APLP2: variants seen among roughly 807,000 people sequenced by gnomAD.
The protein encoded by APLP2 is amyloid beta precursor like protein 2.
APLP2 carries 53 observed loss-of-function variants against 89.9 expected under a neutral mutation model. That is an observed-to-expected ratio of 0.59 (90% CI 0.47 to 0.74). APLP2 has a LOEUF of 0.74. APLP2 is among the 30% of genes least tolerant of loss of function. The pLI is 0.00. For missense variants in APLP2, 973 were observed against 975.9 expected, an observed-to-expected ratio of 1.00 and a Z score of 0.04; for synonymous variants, 372 against 348.6, an observed-to-expected ratio of 1.07 and a Z score of -0.75.
In APLP2 at chr11:130,144,511, G is replaced by C. The variant is rs1952748370; in HGVS notation, c.*1063G>C. The C allele has an allele frequency of 2.0e-5, 3 of 152,372 alleles. No homozygotes were observed. The South Asian group carries it at 6.2e-4, about 32-fold the overall frequency. The allele number at this position is 152,372 out of a possible 1,614,324, so 9.4% of individuals were successfully genotyped here. Reference sequence around the variant, plus strand: ...GTCTGTGGACACTGTGGAAAGCTTTGAACAATTGTGTTTTCGTCACAGGAG... The same window carrying C: ...GTCTGTGGACACTGTGGAAAGCTTTCAACAATTGTGTTTTCGTCACAGGAG... On this transcript the variant is annotated 3_prime_UTR_variant, in exon 17 of 17. Transcript: ENST00000338167.
intron 1 of APLP2, among the ~76,000 whole-genome samples, chr11:130,086,029 C>T (rs1944056530): frequency 6.6e-6 from 1 of 152,216 alleles, no homozygotes; most frequent in Admixed American, 6.5e-5. Flanking sequence ...ATGGGAGTCC[C>T]TGCTTTCAGT....
chr11:130,127,883 T>C (rs1950555169), intron 9 of APLP2, 43 bp downstream of exon 9: 1 of 1,556,944 alleles, frequency 6.4e-7, no homozygotes, highest in Non-Finnish European at 8.8e-7. Context: ...GCCTGACCAT[T>C]GGAAAATACG....
intron 13 of APLP2, chr11:130,137,328 T>G (rs1249149576): frequency 6.3e-7 from 1 of 1,580,262 alleles, no homozygotes; most frequent in Non-Finnish European, 8.7e-7. Flanking sequence ...AAGACCTTCA[T>G]TCCTCTCCAC....
chr11:130,123,789 G>A lies in APLP2; in HGVS notation c.1090+10G>A, dbSNP rs1171285213. The A allele has an allele frequency of 3.7e-6, 6 of 1,613,296 alleles. No individual in the cohort carries two copies. Among genetic ancestry groups the A allele is most frequent in the Non-Finnish European group, 5.1e-6 (6 of 1,179,538 alleles). ...GTGTGTAAAGCGATGAGTAAGTCCT[G>A]CCTCGCGCTGGTCCCGTGCGGCAGC... On this transcript the variant is annotated intron_variant, in intron 7 of 16. Coordinates refer to ENST00000338167, the MANE Select transcript of APLP2 (RefSeq NM_001142276.2). The surrounding 1 kb of genome is among the most constrained non-coding windows in gnomAD (Gnocchi z 4.0).
chr11:130,082,695 C>T (rs1943387344), intron 1 of APLP2: 1 of 199,230 alleles, frequency 5.0e-6, no homozygotes, highest in Non-Finnish European at 1.0e-5. Context: ...TCAGCCTGGG[C>T]ACACGCCACT....
At chr11:130,102,022 C>T (rs1188384897) in intron 1 of APLP2, 1 of 454,936 alleles carries the variant, frequency 2.2e-6, no homozygotes, top group African/African-American at 2.0e-5. Context: ...ATGTGTGTCT[C>T]TGCTCTCAAG....
At chr11:130,092,583 T>A (rs1417870166) in intron 1 of APLP2, among the ~76,000 whole-genome samples, 1 of 147,798 alleles carries the variant, frequency 6.8e-6, no homozygotes, top group Non-Finnish European at 1.5e-5. Context: ...TGGCGGCGCG[T>A]GCCTGCAATC....
Position 130,070,020 on chromosome 11 carries a change from C to A in APLP2, c.43C>A (p.Leu15Ile). The change falls in exon 1 of 17, where the codon CTC becomes ATC. Residue 15 changes from leucine to isoleucine, a missense_variant. Leu to Ile is a conservative substitution (Grantham distance 5). Transcript: ENST00000338167. ...CGCGGCCGCCGCAGCCACGGGCAGG[C>A]TCCTGCTTCTGCTGCTGGTGGGGCT... ...GTAAAAATGR[L>I]LLLLLVGLTA... 3 of 1,511,176 alleles carry A rather than the reference C, an allele frequency of 2.0e-6. No individual in the cohort carries two copies. The Middle Eastern group carries it at 6.0e-4, about 304-fold the overall frequency. The allele number at this position is 1,511,176 out of a possible 1,614,324, so 93.6% of individuals were successfully genotyped here. A position where few individuals can be genotyped will look rare whatever the true frequency, so the allele number is the denominator to read the frequency against.
chr11:130,122,469 G>C lies in APLP2; in HGVS notation c.878G>C (p.Ser293Thr). ...YNEENPTEPG[S>T]DGTMSDKEIT... ...GAGGAGAATCCTACTGAACCCGGCA[G>C]CGACGGCACCATGTCAGACAAGGAA... Residue 293 changes from serine to threonine, a missense_variant, in exon 6 of 17, where the codon AGC (serine) becomes ACC (threonine). By Grantham distance (58) the Ser-to-Thr change is moderately conservative. Transcript: ENST00000338167. The C allele has an allele frequency of 6.2e-7, 1 of 1,614,120 alleles. No homozygotes were observed. The highest frequency in any genetic ancestry group is 8.5e-7 in the Non-Finnish European group (1 of 1,179,982).
chr11:130,125,065 A>G (rs1950217721), intron 7 of APLP2, among the ~76,000 whole-genome samples: 1 of 152,022 alleles, frequency 6.6e-6, no homozygotes. Context: ...CTTTGTGTTC[A>G]TGTTCTTGTG....
Position 130,144,195 on chromosome 11 carries a change from G to A in APLP2, c.*747G>A, listed in dbSNP as rs13562. The A allele has an allele frequency of 6.6e-6, 1 of 152,264 alleles. No individual in the cohort carries two copies. The highest frequency in any genetic ancestry group is 1.5e-5 in the Non-Finnish European group (1 of 68,072). 9.4% of individuals were successfully genotyped at this position (152,264 alleles called of 1,614,324 possible). The stretch of plus-strand genomic sequence containing the variant: ...GTGCTTCCACAGAGATTAGCCTGTA[G>A]CTTATATTTGACATTCTTCACTGTC... On this transcript the variant is annotated 3_prime_UTR_variant, in exon 17 of 17. Transcript: ENST00000338167.
At chr11:130,113,313 A>G (rs1229524713) in intron 3 of APLP2, among the ~76,000 whole-genome samples, 2 of 152,228 alleles carry the variant, frequency 1.3e-5, no homozygotes, top group Admixed American at 1.3e-4. Flanking sequence ...ATTTGTTAGC[A>G]TGTTACAGAA....
intron 1 of APLP2, among the ~76,000 whole-genome samples, chr11:130,077,924 A>G (rs966458619): frequency 2.0e-5 from 3 of 152,152 alleles, no homozygotes; most frequent in Admixed American, 1.3e-4. Flanking sequence ...GCCCTTGAGT[A>G]TTTTTGAGCT....
chr11:130,102,376 C>A (rs1947059111), intron 1 of APLP2, among the ~76,000 whole-genome samples: 1 of 152,212 alleles, frequency 6.6e-6, no homozygotes, highest in Non-Finnish European at 1.5e-5. Flanking sequence ...TTTATTAGAA[C>A]TAGAACTGTG....
chr11:130,084,513 T>C (rs1407702031), intron 1 of APLP2, among the ~76,000 whole-genome samples: 3 of 152,218 alleles, frequency 2.0e-5, no homozygotes, highest in African/African-American at 4.8e-5. Context: ...GTCTTAATCC[T>C]ATTTTGTTAT....
At chr11:130,140,073 A>G (rs1413502878) in intron 13 of APLP2, among the ~76,000 whole-genome samples, 1 of 152,112 alleles carries the variant, frequency 6.6e-6, no homozygotes, top group Non-Finnish European at 1.5e-5. Context: ...TGTATTTCCC[A>G]TGCTAGGATG....
chr11:130,143,402 G>C lies in APLP2; in HGVS notation c.2210G>C (p.Gly737Ala). Residue 737 changes from glycine (G) to alanine (A), a missense_variant, in exon 17 of 17, where the codon GGC becomes GCC. Coordinates refer to ENST00000338167, the MANE Select transcript of APLP2 (RefSeq NM_001142276.2). Reference protein sequence around the residue: ...ERHLNKMQNHGYENPTYKYLE... With the variant: ...ERHLNKMQNHAYENPTYKYLE... ...CACCTGAACAAGATGCAGAACCATG[G>C]CTATGAGAACCCCACCTACAAATAC... 6.2e-7 allele frequency: 1 copy of C among 1,613,926 alleles called. No individual in the cohort carries two copies. Among genetic ancestry groups the C allele is most frequent in the Non-Finnish European group, 8.5e-7 (1 of 1,179,986 alleles).
rs577335648 is a variant in APLP2 at position 130,123,758 on chromosome 11, A to G, written c.1069A>G (p.Met357Val). The G allele has an allele frequency of 2.9e-4, 472 of 1,614,216 alleles. 2 individuals are homozygous for G. In the South Asian group the frequency reaches 4.8e-3, roughly 17 times the overall value. The stretch of plus-strand genomic sequence containing the variant: ...CAATTTTGAGTCTGAGGATTATTGT[A>G]TGGCTGTGTGTAAAGCGATGAGTAA... ...RNNFESEDYC[M>V]AVCKAMIPPT... is the part of the protein sequence containing the mutation. The change falls in exon 7 of 17, where the codon ATG becomes GTG. Residue 357 changes from methionine to valine, a missense_variant. Physicochemically the swap from Met to Val is conservative, Grantham distance 21. Transcript: ENST00000338167. The surrounding 1 kb of genome is among the most constrained non-coding windows in gnomAD (Gnocchi z 4.0).
At chr11:130,129,923 A>C in intron 10 of APLP2, 115 bp from the exon 11 acceptor site, 1 of 1,234,846 alleles carries the variant, frequency 8.1e-7, no homozygotes, top group Non-Finnish European at 1.1e-6. Context: ...TACAGCTTTC[A>C]TTCTTGTGCC....
Sources: gnomAD v4.1 joint callset for allele counts (sites outside exome capture counted in the v4.1 genomes callset) on GRCh38, gnomAD v4.1.1 for gene constraint, Gnocchi (gnomAD v3.1) non-coding constraint, MANE v1.5 for transcripts, NCBI Gene and HGNC (gene_info 2026-07-23, HGNC 2026-07-21) for gene names.